MED13: variants seen among roughly 807,000 people sequenced by gnomAD.
MED13 encodes the protein mediator complex subunit 13.
MED13 carries 23 observed loss-of-function variants against 225.2 expected under a neutral mutation model. The ratio of observed to expected loss-of-function variants is 0.10; its 90% confidence interval spans 0.07 to 0.14. MED13 has a LOEUF of 0.14. MED13 is among the 10% of genes least tolerant of loss of function. The pLI, the probability that MED13 is intolerant of heterozygous loss-of-function variation, is 1.00. For synonymous variants in MED13, 942 were observed against 889.2 expected, an observed-to-expected ratio of 1.06 and a Z score of -1.06; for missense variants, 2,197 against 2,594.5, an observed-to-expected ratio of 0.85 and a Z score of 3.33.
At chr17:61,993,461 C>G (rs1303431518) in intron 10 of MED13, among the ~76,000 whole-genome samples, 1 of 151,500 alleles carries the variant, frequency 6.6e-6, no homozygotes, top group Non-Finnish European at 1.5e-5. Flanking sequence ...CTCAGCCTCC[C>G]AAAGTGCTGG....
chr17:62,036,214 A>C (rs1358373583), intron 3 of MED13, among the ~76,000 whole-genome samples: 1 of 152,044 alleles, frequency 6.6e-6, no homozygotes, highest in Non-Finnish European at 1.5e-5. Flanking sequence ...AGAAACTATA[A>C]ATGTTTTCTC....
chr17:61,965,199 A>G lies in MED13; in HGVS notation c.4651T>C (p.Ser1551Pro), dbSNP rs763813314. Residue 1551 changes from serine to proline, a missense_variant, in exon 20 of 30, where the codon TCA (serine) becomes CCA (proline). Physicochemically the swap from Ser to Pro is moderately conservative, Grantham distance 74. Transcript: ENST00000397786. ...SSSSNLNSGV[S>P]SNKLPSFPPF... ...GGAAACGAAGGTAGTTTATTTGATG[A>G]TACTCCACTATTCAAGTTGGAGGAT... is the stretch of plus-strand genomic sequence containing the variant. The G allele has an allele frequency of 3.1e-6, 5 of 1,614,204 alleles. No homozygotes were observed. The highest frequency in any genetic ancestry group is 3.4e-6 in the Non-Finnish European group (4 of 1,180,038).
chr17:61,961,838 T>C, intron 21 of MED13, 59 bp from the exon 22 acceptor site: 4 of 1,491,158 alleles, frequency 2.7e-6, no homozygotes, highest in Non-Finnish European at 3.7e-6. Context: ...TAACAGGAAC[T>C]GTGGGTCTAA....
intron 11 of MED13, among the ~76,000 whole-genome samples, chr17:61,990,627 G>GTGTATATATATATA (rs906431943): frequency 3.6e-5 from 5 of 139,004 alleles, no homozygotes; most frequent in African/African-American, 1.4e-4. Flanking sequence ...GGCGCACTGT[G>GTGTATATATATATA]TATATATATA....
At chr17:61,971,712 T>A (rs1353050672) in intron 17 of MED13, among the ~76,000 whole-genome samples, 1 of 152,104 alleles carries the variant, frequency 6.6e-6, no homozygotes, top group African/African-American at 2.4e-5. Flanking sequence ...GGCAGGCAGA[T>A]CACCTGAGGC....
intron 16 of MED13, among the ~76,000 whole-genome samples, chr17:61,980,174 C>A (rs985702285): frequency 6.6e-6 from 1 of 151,898 alleles, no homozygotes; most frequent in East Asian, 1.9e-4. Context: ...GGTGACAGAG[C>A]GAGACTCTGT....
chr17:62,043,421 C>CAT (rs2143723072), intron 3 of MED13, among the ~76,000 whole-genome samples: 1 of 152,164 alleles, frequency 6.6e-6, no homozygotes, highest in Admixed American at 6.5e-5. Context: ...AATAAAAAGG[C>CAT]ACATCCAGTC....
At chr17:61,995,398 C>T (rs746377900) in intron 9 of MED13, 33 bp from the exon 10 acceptor site, 3 of 1,487,226 alleles carry the variant, frequency 2.0e-6, no homozygotes, top group South Asian at 1.3e-5. Flanking sequence ...ATTAATTATC[C>T]ACATAAGCAT....
At chr17:62,048,449 G>C (rs2080923334) in intron 3 of MED13, among the ~76,000 whole-genome samples, 1 of 143,128 alleles carries the variant, frequency 7.0e-6, no homozygotes, top group Non-Finnish European at 1.5e-5. Flanking sequence ...CAGAAGGAAT[G>C]AAAGTTCAAA....
chr17:61,993,749 G>C (rs2143512327), intron 10 of MED13, among the ~76,000 whole-genome samples: 1 of 151,832 alleles, frequency 6.6e-6, no homozygotes, highest in East Asian at 2.0e-4. Context: ...GACCAACATG[G>C]AGAAATCTCG....
intron 8 of MED13, among the ~76,000 whole-genome samples, chr17:62,016,189 A>C (rs1311328409): frequency 4.1e-5 from 6 of 148,114 alleles, no homozygotes; most frequent in South Asian, 2.1e-4. Flanking sequence ...AAAAAAAAAA[A>C]CCCAGCAGGT....
intron 2 of MED13, among the ~76,000 whole-genome samples, chr17:62,058,902 A>G (rs1042203470): frequency 1.3e-5 from 2 of 152,010 alleles, no homozygotes; most frequent in African/African-American, 4.8e-5. Context: ...CCAGTTAGCA[A>G]TAAAATAAGT....
intron 3 of MED13, among the ~76,000 whole-genome samples, chr17:62,044,230 C>A (rs2080879160): frequency 6.7e-6 from 1 of 150,200 alleles, no homozygotes. Context: ...CATTTACTTC[C>A]TTAAAAAAAA....
chr17:61,962,990 A>G lies in MED13; in HGVS notation c.4845-19T>C. ...CATCGTGCTAAAATTTAAGGTAGAA[A>G]TGAGACAAAAAGTTGTACTGTATAT... On this transcript the variant is annotated intron_variant, in intron 20 of 29. Transcript: ENST00000397786. The G allele has an allele frequency of 6.2e-7, 1 of 1,611,100 alleles. No homozygotes were observed. The highest frequency in any genetic ancestry group is 8.5e-7 in the Non-Finnish European group (1 of 1,177,602).
chr17:62,042,559 T>C (rs1603407879), intron 3 of MED13, among the ~76,000 whole-genome samples: 3 of 50,360 alleles, frequency 6.0e-5, no homozygotes, highest in Admixed American at 5.3e-4. Flanking sequence ...AGGTTTCATC[T>C]CAAAAAAAAA....
intron 8 of MED13, among the ~76,000 whole-genome samples, chr17:62,012,767 G>A (rs980929181): frequency 2.0e-5 from 3 of 151,644 alleles, no homozygotes; most frequent in African/African-American, 7.3e-5. Context: ...GCACTTATTT[G>A]AAAAACTCTG....
chr17:62,002,556 C>T (rs185179426), intron 9 of MED13, among the ~76,000 whole-genome samples: 4 of 148,302 alleles, frequency 2.7e-5, no homozygotes, highest in African/African-American at 5.0e-5. Context: ...ATTTTAATGA[C>T]AGGGAACATC....
chr17:62,035,279 T>G (rs2080792564), intron 4 of MED13, among the ~76,000 whole-genome samples, 184 bp downstream of exon 4: 1 of 152,186 alleles, frequency 6.6e-6, no homozygotes, highest in Admixed American at 6.5e-5. Context: ...TGGTAATACC[T>G]GTATTTAAAA....
chr17:62,044,150 T>C (rs1242984110), intron 3 of MED13, among the ~76,000 whole-genome samples: 2 of 151,996 alleles, frequency 1.3e-5, no homozygotes, highest in African/African-American at 2.4e-5. Flanking sequence ...GAGCACGAGA[T>C]AATGTAAAAG....
Sources: gnomAD v4.1 joint callset for allele counts (sites outside exome capture counted in the v4.1 genomes callset) on GRCh38, gnomAD v4.1.1 for gene constraint, MANE v1.5 for transcripts, NCBI Gene and HGNC (gene_info 2026-07-23, HGNC 2026-07-21) for gene names.